OSBPL10: variants seen among roughly 807,000 people sequenced by gnomAD.
OSBPL10 encodes the protein oxysterol-binding protein-related protein 10.
A neutral mutation model predicts 81.7 loss-of-function variants in OSBPL10; 49 were observed. The observed-to-expected ratio is 0.60, with a 90% confidence interval of 0.48 to 0.76. OSBPL10 has a LOEUF of 0.76. Among genes scored for constraint, OSBPL10 ranks in the 30% least tolerant of loss-of-function variants. The pLI is 0.00. For synonymous variants in OSBPL10, 419 were observed against 383.6 expected (o/e 1.09, Z -1.08); for missense variants, 923 against 987.8 (o/e 0.93, Z 0.88).
chr3:32,032,988 A>T (rs1318702170), intron 2 of OSBPL10, among the ~76,000 whole-genome samples: 1 of 152,238 alleles, frequency 6.6e-6, no homozygotes, highest in African/African-American at 2.4e-5. Flanking sequence ...CATTCCAGTT[A>T]TTAATGCCTG....
At chr3:31,663,952 G>A (rs981597358) in intron 11 of OSBPL10, 127 bp downstream of exon 11, 6 of 1,603,638 alleles carry the variant, frequency 3.7e-6, no homozygotes, top group African/African-American at 1.3e-5. Flanking sequence ...GAACCGAGCT[G>A]CCCTAGTCCA....
intron 4 of OSBPL10, among the ~76,000 whole-genome samples, chr3:31,823,262 C>A (rs1251611047): frequency 6.6e-6 from 1 of 152,176 alleles, no homozygotes; most frequent in Non-Finnish European, 1.5e-5. Flanking sequence ...TTTAAAAGAG[C>A]CCTAACAGCT....
At chr3:31,929,571 C>T (rs1326698966) in intron 1 of OSBPL10, among the ~76,000 whole-genome samples, 1 of 151,758 alleles carries the variant, frequency 6.6e-6, no homozygotes, top group East Asian at 1.9e-4. Context: ...CACAGTGAAA[C>T]CCCATCTCTA....
intron 4 of OSBPL10, among the ~76,000 whole-genome samples, chr3:31,809,557 A>G (rs902689222): frequency 2.0e-5 from 3 of 152,186 alleles, no homozygotes; most frequent in Admixed American, 2.0e-4. Flanking sequence ...GTGGACACGG[A>G]GGTTTTAAAA....
intron 1 of OSBPL10, among the ~76,000 whole-genome samples, chr3:31,937,300 A>C (rs1290699240): frequency 6.6e-6 from 1 of 151,840 alleles, no homozygotes; most frequent in Admixed American, 6.6e-5. Flanking sequence ...AAAAGAAAGA[A>C]AGTCAGAGGA....
chr3:32,030,326 G>C (rs987611545), intron 2 of OSBPL10: 4 of 480,766 alleles, frequency 8.3e-6, no homozygotes, highest in African/African-American at 7.9e-5. Context: ...GAAATCAAGG[G>C]AATGGGCGCC....
chr3:31,916,324 C>CTT (rs1481994254), intron 1 of OSBPL10, among the ~76,000 whole-genome samples: 7 of 152,132 alleles, frequency 4.6e-5, no homozygotes, highest in Admixed American at 6.5e-5. Context: ...ACCTATTTCC[C>CTT]CAATTCTAAA....
intron 4 of OSBPL10, among the ~76,000 whole-genome samples, chr3:31,788,944 T>C (rs2125787508): frequency 6.6e-6 from 1 of 152,218 alleles, no homozygotes; most frequent in Non-Finnish European, 1.5e-5. Flanking sequence ...GTATACTTCC[T>C]TCCTGGATGT....
At chr3:31,936,252 A>T (rs4645161) in intron 1 of OSBPL10, among the ~76,000 whole-genome samples, 56,899 of 151,916 alleles carry the variant, frequency 0.37, 14,089 homozygotes, top group African/African-American at 0.68. Context: ...TACACCAGCA[A>T]CTCTTATTTT....
chr3:31,762,088 A>G (rs1262132510), intron 4 of OSBPL10, among the ~76,000 whole-genome samples: 4 of 152,116 alleles, frequency 2.6e-5, no homozygotes, highest in African/African-American at 9.7e-5. Flanking sequence ...AGTGCCAGAG[A>G]AAACAGGTCT....
intron 1 of OSBPL10, among the ~76,000 whole-genome samples, chr3:32,058,019 A>C (rs1699726087): frequency 6.6e-6 from 1 of 152,248 alleles, no homozygotes; most frequent in Non-Finnish European, 1.5e-5. Context: ...TTAATAATTC[A>C]TGGCACTATC....
Position 31,667,248 on chromosome 3 carries a change from C to T in OSBPL10, c.2096+1394G>A, listed in dbSNP as rs944503853. On this transcript the variant is annotated intron_variant, in intron 10 of 11. Transcript: ENST00000396556. ...AGGGGATGGGTTTCCTTCCTTATCG[C>T]AGCCTTTCCCTTGTCCTGCTACTGC... is the stretch of plus-strand genomic sequence containing the variant. Among the ~76,000 whole-genome samples the T allele has an allele frequency of 3.3e-5, 5 of 152,368 alleles. No homozygotes were observed. In the East Asian group the frequency reaches 9.6e-4, roughly 29 times the overall value.
At chr3:31,893,506 C>CA in intron 1 of OSBPL10, among the ~76,000 whole-genome samples, 1 of 152,284 alleles carries the variant, frequency 6.6e-6, no homozygotes, top group East Asian at 1.9e-4. Flanking sequence ...ACTTAACCTA[C>CA]AACACATCAG....
intron 2 of OSBPL10, among the ~76,000 whole-genome samples, chr3:32,031,801 T>TA (rs71068023): frequency 0.78 from 118,990 of 152,124 alleles, 47,342 homozygotes; most frequent in East Asian, 1. Flanking sequence ...CTGATGTTAG[T>TA]ACTTTTTTCA....
chr3:31,814,568 C>T (rs932254835), intron 4 of OSBPL10, among the ~76,000 whole-genome samples: 4 of 152,114 alleles, frequency 2.6e-5, no homozygotes, highest in Admixed American at 6.5e-5. Flanking sequence ...TGGAGTGATG[C>T]GTCTATGAAC....
At chr3:31,964,146 C>T (rs1698246940) in intron 1 of OSBPL10, among the ~76,000 whole-genome samples, 1 of 152,146 alleles carries the variant, frequency 6.6e-6, no homozygotes, top group Admixed American at 6.5e-5. Flanking sequence ...TCCATCTACC[C>T]AGCACTCTTT....
chr3:31,943,993 A>AAAAAAAAAAC, intron 1 of OSBPL10, among the ~76,000 whole-genome samples: 1 of 150,462 alleles, frequency 6.6e-6, no homozygotes, highest in African/African-American at 2.4e-5. Flanking sequence ...AAAAAAAAAA[A>AAAAAAAAAAC]AAGTTCTTTA....
Position 31,682,108 on chromosome 3 carries a change from C to A in OSBPL10, c.1726+1526G>T, listed in dbSNP as rs549796648. Among the ~76,000 whole-genome samples the A allele has an allele frequency of 7.9e-5, 12 of 152,302 alleles. No individual in the cohort carries two copies. The South Asian group carries it at 2.5e-3, about 32-fold the overall frequency. On this transcript the variant is annotated intron_variant, in intron 8 of 11. Coordinates refer to ENST00000396556, the MANE Select transcript of OSBPL10 (RefSeq NM_017784.5). ...AGAACCTATCCAGATCCTTACTACT[C>A]CACTACATTTACTTCCTCCACTATT...
chr3:31,708,677 G>T, intron 6 of OSBPL10: 2 of 956,514 alleles, frequency 2.1e-6, no homozygotes, highest in Non-Finnish European at 2.5e-6. Flanking sequence ...GAAAGTTTTG[G>T]CATATGAATG....
Sources: gnomAD v4.1 joint callset for allele counts (sites outside exome capture counted in the v4.1 genomes callset) on GRCh38, gnomAD v4.1.1 for gene constraint, MANE v1.5 for transcripts, NCBI Gene and HGNC (gene_info 2026-07-23, HGNC 2026-07-21) for gene names.